Variants in AGFG2 observed in about 807,000 individuals in gnomAD.
AGFG2 encodes the protein ArfGAP with FG repeats 2, also known as arf-GAP domain and FG repeat-containing protein 2.
In AGFG2, 31 loss-of-function variants were observed where a neutral mutation model predicts 48.0. The ratio of observed to expected loss-of-function variants is 0.65; its 90% CI spans 0.49 to 0.87. The LOEUF is 0.87. Ranked by LOEUF, AGFG2 falls within the 40% of genes least tolerant of loss-of-function variation. AGFG2 has a pLI of 0.00. For missense variants in AGFG2, 599 were observed against 632.6 expected (o/e 0.95, Z 0.57); for synonymous variants, 229 against 260.8 (o/e 0.88, Z 1.18).
chr7:100,562,785 G>A lies in AGFG2; in HGVS notation c.1088-78G>A. On this transcript the variant is annotated intron_variant, in intron 8 of 11. Transcript: ENST00000300176. This position sits in a 1 kb window ranked among gnomAD's most constrained non-coding sequence, Gnocchi z 5.4. Reference sequence around the variant, plus strand: ...GGGGAGAGATTGAGAGGAATGCTCAGGCATCACAGGATGAAGCACGTGAGA... The same window carrying A: ...GGGGAGAGATTGAGAGGAATGCTCAAGCATCACAGGATGAAGCACGTGAGA... 6.3e-7 allele frequency: 1 copy of A among 1,595,376 alleles called. No homozygotes were observed. The highest frequency in any genetic ancestry group is 8.6e-7 in the Non-Finnish European group (1 of 1,165,216).
chr7:100,562,488 C>A lies in AGFG2; in HGVS notation c.999-106C>A, dbSNP rs1800898214. On this transcript the variant is annotated intron_variant, in intron 7 of 11. Coordinates refer to ENST00000300176, the MANE Select transcript of AGFG2 (RefSeq NM_006076.5). The surrounding 1 kb of genome is among the most constrained non-coding windows in gnomAD (Gnocchi z 5.4). ...CTCCTGGCAGTTCTCCCCTCCCCTC[C>A]TCTCCCTTACTCACCCTGGAGAGCA... The A allele has an allele frequency of 1.3e-6, 2 of 1,599,566 alleles. No homozygotes were observed. Among genetic ancestry groups the A allele is most frequent in the East Asian group, 4.5e-5 (2 of 44,536 alleles).
At chr7:100,558,288 T>G (rs1260687853) in intron 6 of AGFG2, among the ~76,000 whole-genome samples, 1 of 152,144 alleles carries the variant, frequency 6.6e-6, no homozygotes, top group Non-Finnish European at 1.5e-5. Context: ...TAAGATAGTT[T>G]TGCACATCAT....
chr7:100,562,369 G>C lies in AGFG2; in HGVS notation c.988G>C (p.Val330Leu), dbSNP rs551208466. ...GGGACCCGGGGTGCCCGCTGCAGGT[G>C]TTCCTAGCAGGTAGGTACAGACAGT... ...FLGPGVPAAG[V>L]PSSLFGMAGQ... The change falls in exon 7 of 12, where the codon GTT becomes CTT. Residue 330 changes from valine (V) to leucine (L), a missense_variant. Transcript: ENST00000300176. The surrounding 1 kb of genome is among the most constrained non-coding windows in gnomAD (Gnocchi z 5.4). 1.9e-6 allele frequency: 3 copies of C among 1,613,598 alleles called. No homozygotes were observed. The South Asian group carries it at 3.3e-5, about 18-fold the overall frequency.
rs1800367250 is a variant in AGFG2, at chr7:100,539,232, G to T, written c.-115G>T. Reference sequence around the variant, plus strand: ...GACGGCGAAGTCTCCTGCGGATGCCGCCCGCTCCCGAGCTTCTGTCAGGGG... The same window carrying T: ...GACGGCGAAGTCTCCTGCGGATGCCTCCCGCTCCCGAGCTTCTGTCAGGGG... On this transcript the variant is annotated 5_prime_UTR_variant, in exon 1 of 12. Coordinates refer to ENST00000300176, the MANE Select transcript of AGFG2 (RefSeq NM_006076.5). 8 of 1,100,692 alleles carry T rather than the reference G, an allele frequency of 7.3e-6. No individual in the cohort carries two copies. The highest frequency in any genetic ancestry group is 4.9e-5 in the African/African-American group (3 of 61,486). The allele number at this position is 1,100,692 out of a possible 1,614,324, so 68.2% of individuals were successfully genotyped here. A position where few individuals can be genotyped will look rare whatever the true frequency, so the allele number is the denominator to read the frequency against.
chr7:100,557,484 CAG>C (rs1428907538), intron 6 of AGFG2, among the ~76,000 whole-genome samples: 3 of 152,266 alleles, frequency 2.0e-5, no homozygotes, highest in East Asian at 3.9e-4. Context: ...TTTTTTGAGA[CAG>C]AGTCTTACTC....
chr7:100,562,148 C>G lies in AGFG2; in HGVS notation c.878-111C>G. 1 of 1,435,614 alleles carries G rather than the reference C, an allele frequency of 7.0e-7. No individual in the cohort carries two copies. Among genetic ancestry groups the G allele is most frequent in the Non-Finnish European group, 9.5e-7 (1 of 1,056,424 alleles). 88.9% of individuals were successfully genotyped at this position (1,435,614 alleles called of 1,614,324 possible). A position where few individuals can be genotyped will look rare whatever the true frequency, so the allele number is the denominator to read the frequency against. ...CTGCCTCAGAGAACCCAGCAGGCAC[C>G]TGTCATGCCATGACTCCAATCCATC... On this transcript the variant is annotated intron_variant, in intron 6 of 11. Coordinates refer to ENST00000300176, the MANE Select transcript of AGFG2 (RefSeq NM_006076.5). This position sits in a 1 kb window ranked among gnomAD's most constrained non-coding sequence, Gnocchi z 5.4.
At chr7:100,541,309 G>T (rs2131099254) in intron 1 of AGFG2, among the ~76,000 whole-genome samples, 1 of 152,322 alleles carries the variant, frequency 6.6e-6, no homozygotes, top group South Asian at 2.1e-4. Flanking sequence ...CTTGTGGGTT[G>T]TAAGGATGAA....
chr7:100,560,253 A>G, intron 6 of AGFG2, among the ~76,000 whole-genome samples: 1 of 150,746 alleles, frequency 6.6e-6, no homozygotes, highest in Non-Finnish European at 1.5e-5. Context: ...ATCTTGGCTC[A>G]CTGCAATCTT....
intron 6 of AGFG2, among the ~76,000 whole-genome samples, chr7:100,557,616 G>T (rs1026059808): frequency 2.0e-5 from 3 of 152,068 alleles, no homozygotes; most frequent in Non-Finnish European, 4.4e-5. Context: ...TGTATTTTTA[G>T]TAGAGACGGG....
At chr7:100,557,228 A>G (rs936223263) in intron 6 of AGFG2, among the ~76,000 whole-genome samples, 2 of 152,104 alleles carry the variant, frequency 1.3e-5, no homozygotes, top group African/African-American at 4.8e-5. Flanking sequence ...AAAATTCACA[A>G]AGAGGTTCTC....
chr7:100,543,868 A>G (rs189079668), intron 1 of AGFG2, among the ~76,000 whole-genome samples: 67 of 152,268 alleles, frequency 4.4e-4, no homozygotes, highest in Admixed American at 1.5e-3. Context: ...AGTTTTATTC[A>G]TTTGGTTTTC....
chr7:100,548,763 G>C (rs1236257460), intron 1 of AGFG2, 59 bp from the exon 2 acceptor site: 1 of 1,367,916 alleles, frequency 7.3e-7, no homozygotes, highest in East Asian at 2.3e-5. Flanking sequence ...CTCCTCCCAT[G>C]AACAGCCTGC....
At position 100,564,971 on chromosome 7, in the gene AGFG2, A is replaced by T. The variant is rs371252883; in HGVS notation, c.1426A>T (p.Thr476Ser). Residue 476 changes from threonine to serine, a missense_variant, in exon 12 of 12, where the codon ACC (threonine) becomes TCC (serine). Physicochemically the swap from Thr to Ser is moderately conservative, Grantham distance 58. Coordinates refer to ENST00000300176, the MANE Select transcript of AGFG2 (RefSeq NM_006076.5). ...SSSPFASKPPTTNPFL is the reference protein window; with the variant it reads ...SSSPFASKPPSTNPFL ...AAGCCCATTCGCCTCCAAACCTCCA[A>T]CCACCAACCCCTTCTTGTAGCACTG... is the stretch of plus-strand genomic sequence containing the variant. 175 of 1,613,492 alleles carry T rather than the reference A, an allele frequency of 1.1e-4. 1 individual carries two copies. Among genetic ancestry groups the T allele is most frequent in the Non-Finnish European group, 1.4e-4 (171 of 1,179,856 alleles).
intron 10 of AGFG2, 117 bp from the exon 11 acceptor site, chr7:100,564,101 G>C (rs901879581): frequency 1.3e-6 from 2 of 1,528,568 alleles, no homozygotes; most frequent in South Asian, 1.2e-5. Context: ...CACCAGACCC[G>C]CCCGGGTACT....
intron 9 of AGFG2, 25 bp from the exon 10 acceptor site, chr7:100,563,809 G>C: frequency 6.2e-7 from 1 of 1,609,600 alleles, no homozygotes; most frequent in Non-Finnish European, 8.5e-7. Flanking sequence ...AAGTTCACCT[G>C]AGCCTCCCGT....
At position 100,565,111 on chromosome 7, in the gene AGFG2, C is replaced by A; in HGVS notation, c.*120C>A. 1 of 1,197,176 alleles carries A rather than the reference C, an allele frequency of 8.4e-7. No individual in the cohort carries two copies. The highest frequency in any genetic ancestry group is 1.2e-6 in the Non-Finnish European group (1 of 808,070). 74.2% of individuals were successfully genotyped at this position (1,197,176 alleles called of 1,614,324 possible). On this transcript the variant is annotated 3_prime_UTR_variant, in exon 12 of 12. Transcript: ENST00000300176. ...CTTGGGGATGGTGGAGGTGCTAATG[C>A]TTTGCTTGGGGCCTACAGGTGAAAG...
rs368647785 is a variant in AGFG2, at chr7:100,562,422, C to T, written c.998+43C>T. 1.6e-5 allele frequency: 26 copies of T among 1,607,608 alleles called. No individual in the cohort carries two copies. The East Asian group carries it at 2.7e-4, about 17-fold the overall frequency. ...GCAGTCTGCTGTAGGGCAGGAGAGCCGCCCGAAGCCTGGCCATGTTCCTCC... is the reference window on the plus strand; with the variant it reads ...GCAGTCTGCTGTAGGGCAGGAGAGCTGCCCGAAGCCTGGCCATGTTCCTCC... On this transcript the variant is annotated intron_variant, in intron 7 of 11. Coordinates refer to ENST00000300176, the MANE Select transcript of AGFG2 (RefSeq NM_006076.5). This position sits in a 1 kb window ranked among gnomAD's most constrained non-coding sequence, Gnocchi z 5.4.
At chr7:100,540,101 A>G (rs1800393839) in intron 1 of AGFG2, among the ~76,000 whole-genome samples, 1 of 149,734 alleles carries the variant, frequency 6.7e-6, no homozygotes, top group Non-Finnish European at 1.5e-5. Flanking sequence ...TGAAATTCCT[A>G]TGATTAGAGT....
Position 100,564,235 on chromosome 7 carries a change from T to A in AGFG2, c.1318T>A (p.Leu440Ile). ...CCCCCTAGGCTCTTCCTTCGGGGAC[T>A]TAGGATCAGCCAAGTTGGGGCAGAG... is the stretch of plus-strand genomic sequence containing the variant. The part of the protein sequence containing the change: ...QQQNGSSFGD[L>I]GSAKLGQRPL... Residue 440 changes from leucine (L) to isoleucine (I), a missense_variant, in exon 11 of 12, where the codon TTA becomes ATA. By Grantham distance (5) the Leu-to-Ile change is conservative. Transcript: ENST00000300176. The A allele has an allele frequency of 5.6e-6, 9 of 1,613,144 alleles. No homozygotes were observed. Among genetic ancestry groups the A allele is most frequent in the Non-Finnish European group, 7.6e-6 (9 of 1,179,602 alleles).
Sources: gnomAD v4.1 joint callset for allele counts (sites outside exome capture counted in the v4.1 genomes callset) on GRCh38, gnomAD v4.1.1 for gene constraint, Gnocchi (gnomAD v3.1) non-coding constraint, MANE v1.5 for transcripts, NCBI Gene and HGNC (gene_info 2026-07-23, HGNC 2026-07-21) for gene names.